The following REV3L variants were observed in gnomAD, a reference collection of about 807,000 sequenced individuals.
REV3L encodes DNA polymerase zeta catalytic subunit.
REV3L carries 69 observed loss-of-function variants against 299.4 expected under a neutral mutation model. That is an observed-to-expected ratio of 0.23 (90% CI 0.19 to 0.28). The LOEUF (loss-of-function observed/expected upper bound fraction) is 0.28, where lower values mean the gene tolerates loss of function less well. Ranked by LOEUF, REV3L falls within the 10% of genes least tolerant of loss-of-function variation. The pLI is 1.00. For synonymous variants in REV3L, 1,238 were observed against 1,271.4 expected, an observed-to-expected ratio of 0.97 and a Z score of 0.56; for missense variants, 3,128 against 3,693.8, an observed-to-expected ratio of 0.85 and a Z score of 3.97.
intron 1 of REV3L, among the ~76,000 whole-genome samples, chr6:111,447,910 T>C (rs576325813): frequency 6.6e-6 from 1 of 152,340 alleles, no homozygotes; most frequent in South Asian, 2.1e-4. Flanking sequence ...TCATTGAGTA[T>C]TGAGACTCAA....
At chr6:111,413,692 T>G (rs1355730214) in intron 2 of REV3L, among the ~76,000 whole-genome samples, 1 of 151,708 alleles carries the variant, frequency 6.6e-6, no homozygotes, top group African/African-American at 2.4e-5. Context: ...GGGAAGAAAA[T>G]GACCAAAAAA....
At position 111,398,422 on chromosome 6, in the gene REV3L, A is replaced by G. The variant is rs185242283; in HGVS notation, c.566-5450T>C. Among the ~76,000 whole-genome samples, 766 of 151,408 alleles carry G rather than the reference A, an allele frequency of 5.1e-3. 5 individuals carry two copies. Among genetic ancestry groups the G allele is most frequent in the Non-Finnish European group, 7.9e-3 (536 of 67,860 alleles). On this transcript the variant is annotated intron_variant, in intron 4 of 31. Coordinates refer to ENST00000368802, the MANE Select transcript of REV3L (RefSeq NM_001372078.1). ...CCTCTTTTACCCATGTGGGGGGAAA[A>G]AAAGAAAAAAGAAAAAAAAAATTGT...
chr6:111,361,401 A>AC (rs1448131775), intron 16 of REV3L: 2 of 134,324 alleles, frequency 1.5e-5, no homozygotes, highest in Non-Finnish European at 3.4e-5. Flanking sequence ...ACAAAAAAAA[A>AC]CAAAAAACAC....
At chr6:111,360,765 C>A (rs1368442864) in intron 16 of REV3L, 1 of 152,002 alleles carries the variant, frequency 6.6e-6, no homozygotes, top group Admixed American at 6.6e-5. Flanking sequence ...GTGTGAGCCA[C>A]CTTGCCTGGC....
At chr6:111,390,060 T>C (rs1781757839) in intron 6 of REV3L, 26 bp downstream of exon 6, 9 of 1,481,130 alleles carry the variant, frequency 6.1e-6, no homozygotes, top group Middle Eastern at 3.9e-4. Flanking sequence ...AATAAAAACA[T>C]ATATTAAGAA....
chr6:111,301,449 C>G (rs1771513150), intron 31 of REV3L, among the ~76,000 whole-genome samples: 1 of 151,466 alleles, frequency 6.6e-6, no homozygotes, highest in Non-Finnish European at 1.5e-5. Context: ...GCTCAAGGGG[C>G]ATCAAGGAAC....
At chr6:111,461,592 T>C (rs780814739) in intron 1 of REV3L, among the ~76,000 whole-genome samples, 4 of 151,954 alleles carry the variant, frequency 2.6e-5, no homozygotes, top group Non-Finnish European at 4.4e-5. Flanking sequence ...TGCATGTTGA[T>C]TGCATATATA....
intron 13 of REV3L, among the ~76,000 whole-genome samples, chr6:111,372,099 C>T (rs1006584531): frequency 3.3e-5 from 5 of 152,178 alleles, no homozygotes; most frequent in African/African-American, 1.2e-4. Context: ...ATTGAAACCA[C>T]ATGAAAAGTG....
chr6:111,417,327 T>C (rs1009818985), intron 1 of REV3L, among the ~76,000 whole-genome samples: 1 of 152,182 alleles, frequency 6.6e-6, no homozygotes, highest in Non-Finnish European at 1.5e-5. Flanking sequence ...AAAAAGCAGA[T>C]GCACCATTGC....
At chr6:111,354,140 CAT>C (rs1245010046) in intron 18 of REV3L, 3 of 152,318 alleles carry the variant, frequency 2.0e-5, no homozygotes, top group African/African-American at 7.2e-5. Flanking sequence ...TCACATATCA[CAT>C]AGTTACACAG....
At chr6:111,314,674 A>G (rs776522415) in intron 27 of REV3L, among the ~76,000 whole-genome samples, 5 of 152,158 alleles carry the variant, frequency 3.3e-5, no homozygotes, top group African/African-American at 4.8e-5. Context: ...CCCTGTCTGC[A>G]TTCCTGAGCC....
intron 18 of REV3L, chr6:111,356,795 T>C (rs1778136898): frequency 3.8e-6 from 1 of 265,024 alleles, no homozygotes; most frequent in Admixed American, 5.2e-5. Flanking sequence ...CCCCTCAATC[T>C]TGAGAACAGA....
chr6:111,482,307 C>T (rs1281892460), intron 1 of REV3L, among the ~76,000 whole-genome samples: 4 of 152,204 alleles, frequency 2.6e-5, no homozygotes, highest in Admixed American at 2.6e-4. Context: ...GACACTTCCC[C>T]GTTTCCAGAA....
chr6:111,356,162 A>C (rs1041019334), intron 18 of REV3L, among the ~76,000 whole-genome samples: 4 of 152,158 alleles, frequency 2.6e-5, no homozygotes, highest in African/African-American at 9.7e-5. Context: ...AAAAAGGGTG[A>C]GTATAACAAC....
At chr6:111,438,053 T>A (rs932007524) in intron 1 of REV3L, among the ~76,000 whole-genome samples, 1 of 150,814 alleles carries the variant, frequency 6.6e-6, no homozygotes, top group East Asian at 1.9e-4. Flanking sequence ...AGAGACAGGG[T>A]CTCGCTAAGT....
At chr6:111,379,868 A>G (rs1312649201) in intron 11 of REV3L, 114 bp downstream of exon 11, 4 of 725,668 alleles carry the variant, frequency 5.5e-6, no homozygotes, top group Non-Finnish European at 9.4e-6. Flanking sequence ...ATTTTAAAAC[A>G]TCAATTTAGT....
intron 3 of REV3L, among the ~76,000 whole-genome samples, chr6:111,405,957 T>C (rs1182931784): frequency 1.3e-5 from 2 of 152,246 alleles, no homozygotes; most frequent in East Asian, 3.9e-4. Flanking sequence ...AGATTAATAT[T>C]CAAAAAAGGA....
intron 1 of REV3L, chr6:111,430,613 G>C (rs533914760): frequency 6.5e-7 from 1 of 1,527,030 alleles, no homozygotes; most frequent in Non-Finnish European, 9.1e-7. Context: ...CAGACACCTC[G>C]CAGAGTGGGG....
At chr6:111,474,659 T>A (rs1792690514) in intron 1 of REV3L, among the ~76,000 whole-genome samples, 2 of 152,160 alleles carry the variant, frequency 1.3e-5, no homozygotes, top group Non-Finnish European at 2.9e-5. Flanking sequence ...CCATGTAACA[T>A]CAACTGAAAA....
Sources: allele counts gnomAD v4.1 joint callset (sites outside exome capture counted in the v4.1 genomes callset), GRCh38; gene constraint gnomAD v4.1.1; transcripts MANE v1.5; gene names NCBI Gene and HGNC (gene_info 2026-07-23, HGNC 2026-07-21).